The following GTPBP10 variants were observed in gnomAD, a reference collection of about 807,000 sequenced individuals.
GTPBP10 encodes GTP binding protein 10, also known as GTP-binding protein 10.
A neutral mutation model predicts 44.8 loss-of-function variants in GTPBP10; 38 were observed. The observed-to-expected ratio is 0.85, with a 90% CI of 0.65 to 1.11. The LOEUF (loss-of-function observed/expected upper bound fraction) is 1.11, where lower values mean the gene tolerates loss of function less well. Among genes scored for constraint, GTPBP10 ranks in the 50% most tolerant of loss-of-function variants. The pLI, the probability that GTPBP10 is intolerant of heterozygous loss-of-function variation, is 0.00. For missense variants in GTPBP10, 462 were observed against 453.7 expected (o/e 1.02, Z -0.17); for synonymous variants, 152 against 150.6 (o/e 1.01, Z -0.07).
Position 90,385,249 on chromosome 7 carries a change from A to G in GTPBP10, c.*95A>G, listed in dbSNP as rs1240097552. 9.3e-6 allele frequency: 8 copies of G among 858,758 alleles called. No homozygotes were observed. Among genetic ancestry groups the G allele is most frequent in the Middle Eastern group, 3.6e-4 (1 of 2,774 alleles). The allele number at this position is 858,758 out of a possible 1,614,324, so 53.2% of individuals were successfully genotyped here. A position where few individuals can be genotyped will look rare whatever the true frequency, so the allele number is the denominator to read the frequency against. ...CAACCTGGAGGACATGTTAAGTAAA[A>G]TAAGCCAGGCTTAGAAAGACAAATG... On this transcript the variant is annotated 3_prime_UTR_variant, in exon 10 of 10. Coordinates refer to ENST00000222511, the MANE Select transcript of GTPBP10 (RefSeq NM_033107.4).
At chr7:90,350,143 C>G (rs1795761952) in intron 1 of GTPBP10, among the ~76,000 whole-genome samples, 1 of 152,088 alleles carries the variant, frequency 6.6e-6, no homozygotes, top group African/African-American at 2.4e-5. Flanking sequence ...TTGTTCAGTT[C>G]CCACCTATGA....
At chr7:90,384,860 G>A (rs751059492) in intron 9 of GTPBP10, 32 bp from the exon 10 acceptor site, 1 of 1,556,950 alleles carries the variant, frequency 6.4e-7, no homozygotes, top group Non-Finnish European at 8.7e-7. Context: ...GAAAACAATG[G>A]AAATCAGCTT....
chr7:90,346,887 TC>T, intron 1 of GTPBP10, 113 bp downstream of exon 1: 1 of 1,150,652 alleles, frequency 8.7e-7, no homozygotes, highest in Non-Finnish European at 1.3e-6. Context: ...TGCTTGGTTT[TC>T]CCATAGACTT....
chr7:90,371,256 T>G (rs1324173216), intron 4 of GTPBP10: 1 of 769,918 alleles, frequency 1.3e-6, no homozygotes, highest in East Asian at 1.3e-4. Context: ...TTGTTTAGAG[T>G]GAAAAATTGT....
intron 4 of GTPBP10, among the ~76,000 whole-genome samples, chr7:90,360,761 C>T (rs998403544): frequency 6.6e-6 from 1 of 152,128 alleles, no homozygotes; most frequent in African/African-American, 2.4e-5. Context: ...CTGATTCTTC[C>T]TATCGATGAG....
At chr7:90,380,260 G>A (rs911164161) in intron 8 of GTPBP10, among the ~76,000 whole-genome samples, 2 of 151,866 alleles carry the variant, frequency 1.3e-5, no homozygotes, top group African/African-American at 4.8e-5. Context: ...TGTATTTTTA[G>A]TAGAAACAGG....
At chr7:90,367,813 T>C (rs1028154788) in intron 4 of GTPBP10, among the ~76,000 whole-genome samples, 1 of 152,208 alleles carries the variant, frequency 6.6e-6, no homozygotes, top group Non-Finnish European at 1.5e-5. Flanking sequence ...GTAAATTTGA[T>C]CCTGCCATTA....
chr7:90,368,253 T>C (rs1014043465), intron 4 of GTPBP10, among the ~76,000 whole-genome samples: 2 of 152,200 alleles, frequency 1.3e-5, no homozygotes, highest in South Asian at 2.1e-4. Flanking sequence ...CTGACAATTA[T>C]GTGTCTTGCG....
At position 90,377,502 on chromosome 7, in the gene GTPBP10, A is replaced by G; in HGVS notation, c.592-5A>G. ...TTTTTCATTAACCATTTAACTTTGT[A>G]TTAGATATCAGTAGCTGATCTTCCG... On this transcript the variant is annotated splice_region_variant and splice_polypyrimidine_tract_variant and intron_variant, in intron 6 of 9. Transcript: ENST00000222511. 1.3e-6 allele frequency: 2 copies of G among 1,584,752 alleles called. No individual in the cohort carries two copies. The highest frequency in any genetic ancestry group is 8.6e-7 in the Non-Finnish European group (1 of 1,162,002).
chr7:90,373,776 G>A (rs1056749504), intron 5 of GTPBP10, among the ~76,000 whole-genome samples: 1 of 152,116 alleles, frequency 6.6e-6, no homozygotes, highest in Non-Finnish European at 1.5e-5. Context: ...AGAACGTTGA[G>A]GTTCAGTAAT....
intron 4 of GTPBP10, among the ~76,000 whole-genome samples, chr7:90,365,341 G>T (rs1477045975): frequency 7.0e-6 from 1 of 142,978 alleles, no homozygotes; most frequent in African/African-American, 2.6e-5. Context: ...AGCTTAAGGA[G>T]ATTTTGGACT....
At position 90,388,329 on chromosome 7, in the gene GTPBP10, A is replaced by G. The variant is rs560202818; in HGVS notation, c.*3175A>G. ...TTTCAAAATGCAATTTTCAAAATAT[A>G]TGCTTTTTTGAAACACTTATTATGT... On this transcript the variant is annotated 3_prime_UTR_variant, in exon 10 of 10. Transcript: ENST00000222511. 3.9e-5 allele frequency: 6 copies of G among 152,346 alleles called. No individual in the cohort carries two copies. In the East Asian group the frequency reaches 9.6e-4, roughly 24 times the overall value. The allele number at this position is 152,346 out of a possible 1,614,324, so 9.4% of individuals were successfully genotyped here. A position where few individuals can be genotyped will look rare whatever the true frequency, so the allele number is the denominator to read the frequency against.
chr7:90,377,860 A>G (rs1194458711), intron 7 of GTPBP10: 1 of 301,694 alleles, frequency 3.3e-6, no homozygotes, highest in African/African-American at 2.2e-5. Flanking sequence ...TATCTCTTTC[A>G]TTCTTCACTG....
At chr7:90,363,369 G>A (rs1796066037) in intron 4 of GTPBP10, among the ~76,000 whole-genome samples, 1 of 152,116 alleles carries the variant, frequency 6.6e-6, no homozygotes, top group Non-Finnish European at 1.5e-5. Context: ...GTCTATAAAG[G>A]ATTTTATTTC....
intron 4 of GTPBP10, among the ~76,000 whole-genome samples, chr7:90,362,294 A>G (rs1035375955): frequency 2.0e-5 from 3 of 151,660 alleles, no homozygotes; most frequent in Non-Finnish European, 4.4e-5. Flanking sequence ...CCCTCTACAC[A>G]CTGCTTGAAA....
rs958375521 is a variant in GTPBP10 at position 90,388,287 on chromosome 7, G to A, written c.*3133G>A. ...TGCATTTTATTTTGTCCTTAAGTAA[G>A]ACTTTTCATTTTTACCTTTCAAAAT... On this transcript the variant is annotated 3_prime_UTR_variant, in exon 10 of 10. Coordinates refer to ENST00000222511, the MANE Select transcript of GTPBP10 (RefSeq NM_033107.4). The A allele has an allele frequency of 1.3e-5, 2 of 151,994 alleles. No homozygotes were observed. Among genetic ancestry groups the A allele is most frequent in the Non-Finnish European group, 2.9e-5 (2 of 68,014 alleles). 9.4% of individuals were successfully genotyped at this position (151,994 alleles called of 1,614,324 possible).
intron 4 of GTPBP10, among the ~76,000 whole-genome samples, chr7:90,363,582 T>C (rs530076832): frequency 6.6e-6 from 1 of 152,330 alleles, no homozygotes; most frequent in Admixed American, 6.5e-5. Flanking sequence ...TTCCTTCATT[T>C]CAACTTTGGT....
chr7:90,358,707 A>C (rs1795953460), intron 4 of GTPBP10, among the ~76,000 whole-genome samples: 1 of 152,212 alleles, frequency 6.6e-6, no homozygotes, highest in African/African-American at 2.4e-5. Flanking sequence ...CTAGACAAAG[A>C]ATCTGTGACT....
chr7:90,373,762 T>C (rs913092664), intron 5 of GTPBP10, among the ~76,000 whole-genome samples: 3 of 152,190 alleles, frequency 2.0e-5, no homozygotes, highest in African/African-American at 4.8e-5. Context: ...TAAAGTGCAA[T>C]AGAAGAACGT....
Sources: allele counts gnomAD v4.1 joint callset (sites outside exome capture counted in the v4.1 genomes callset), GRCh38; gene constraint gnomAD v4.1.1; transcripts MANE v1.5; gene names NCBI Gene and HGNC (gene_info 2026-07-23, HGNC 2026-07-21).